The following CACNA1B variants were observed in gnomAD, a reference collection of about 807,000 sequenced individuals.
The protein encoded by CACNA1B is calcium voltage-gated channel subunit alpha1 B.
A neutral mutation model predicts 247.2 loss-of-function variants in CACNA1B; 70 were observed. The observed-to-expected ratio is 0.28, with a 90% confidence interval of 0.23 to 0.35. The LOEUF (loss-of-function observed/expected upper bound fraction) is 0.35. CACNA1B is among the 10% of genes least tolerant of loss of function. The pLI is 1.00. For synonymous variants in CACNA1B, 1,231 were observed against 1,294.4 expected (o/e 0.95, Z 1.05); for missense variants, 2,367 against 3,197.4 (o/e 0.74, Z 6.26).
intron 31 of CACNA1B, among the ~76,000 whole-genome samples, chr9:138,061,925 C>T (rs1434819993): frequency 6.6e-6 from 1 of 152,246 alleles, no homozygotes; most frequent in African/African-American, 2.4e-5. Flanking sequence ...CTGAGAGGCT[C>T]TTGGCCACGA....
intron 32 of CACNA1B, among the ~76,000 whole-genome samples, chr9:138,070,080 C>G (rs934195495): frequency 2.6e-5 from 4 of 152,232 alleles, no homozygotes; most frequent in African/African-American, 7.2e-5. Flanking sequence ...CCTGTTGGGA[C>G]TGGCTCAGAT....
intron 20 of CACNA1B, among the ~76,000 whole-genome samples, chr9:138,037,735 C>T (rs1014393943): frequency 1.3e-5 from 2 of 151,904 alleles, no homozygotes; most frequent in African/African-American, 2.4e-5. Context: ...TGGTGGTGTA[C>T]ACTTCCTGCC....
chr9:138,116,457 G>A (rs74868764), intron 42 of CACNA1B, among the ~76,000 whole-genome samples: 5 of 152,122 alleles, frequency 3.3e-5, no homozygotes, highest in Non-Finnish European at 5.9e-5. Context: ...CTCCCGAGCC[G>A]CTGGCAGCCC....
intron 15 of CACNA1B, among the ~76,000 whole-genome samples, chr9:137,989,143 G>A (rs1338830707): frequency 1.3e-5 from 2 of 152,178 alleles, no homozygotes; most frequent in African/African-American, 4.8e-5. Context: ...ACTTTAAACC[G>A]AATATGCCTA....
rs1385377151 is a variant in CACNA1B at position 137,888,186 on chromosome 9, G to A, written c.530+5303G>A. Among the ~76,000 whole-genome samples the A allele has an allele frequency of 5.3e-4, 80 of 152,100 alleles. No individual in the cohort carries two copies. Among genetic ancestry groups the A allele is most frequent in the Admixed American group, 9.8e-4 (15 of 15,276 alleles). ...GTACCAGGGAGTGGCGCTGGAGAAC[G>A]GGGCAGGTGGGCTCTGACACCCAGA... On this transcript the variant is annotated intron_variant, in intron 3 of 46. Transcript: ENST00000371372. This position sits in a 1 kb window ranked among gnomAD's most constrained non-coding sequence, Gnocchi z 4.7.
At chr9:137,959,554 T>C (rs1355653645) in intron 10 of CACNA1B, among the ~76,000 whole-genome samples, 1 of 151,638 alleles carries the variant, frequency 6.6e-6, no homozygotes, top group African/African-American at 2.4e-5. Flanking sequence ...ATAGATGAGA[T>C]AAAACTGTGA....
intron 3 of CACNA1B, among the ~76,000 whole-genome samples, chr9:137,902,896 G>A (rs917224228): frequency 5.9e-5 from 9 of 152,216 alleles, no homozygotes; most frequent in Admixed American, 3.3e-4. Context: ...CCCCACTGCC[G>A]AGTGTCCTCT....
chr9:138,097,576 A>G (rs1179974791), intron 37 of CACNA1B, among the ~76,000 whole-genome samples: 1 of 152,130 alleles, frequency 6.6e-6, no homozygotes, highest in East Asian at 1.9e-4. Flanking sequence ...GTGCCCGGGA[A>G]ATGATCGTGG....
intron 3 of CACNA1B, among the ~76,000 whole-genome samples, chr9:137,900,661 C>A (rs1438006420): frequency 8.5e-6 from 1 of 117,724 alleles, no homozygotes; most frequent in Non-Finnish European, 1.7e-5. Context: ...GCTGTGTGTC[C>A]CTGTGTTTGT....
intron 6 of CACNA1B, among the ~76,000 whole-genome samples, chr9:137,928,020 A>C (rs1367902525): frequency 1.3e-5 from 2 of 152,082 alleles, no homozygotes; most frequent in African/African-American, 2.4e-5. Context: ...TGTGTTGCTG[A>C]ATTGTATTTG....
intron 36 of CACNA1B, among the ~76,000 whole-genome samples, chr9:138,082,532 A>T (rs1464277365): frequency 1.3e-5 from 2 of 151,320 alleles, no homozygotes; most frequent in African/African-American, 4.9e-5. Context: ...CCAAAACTTG[A>T]TGATTGGCGT....
intron 6 of CACNA1B, among the ~76,000 whole-genome samples, chr9:137,938,735 C>G (rs990617035): frequency 5.9e-5 from 9 of 152,178 alleles, no homozygotes; most frequent in Non-Finnish European, 1.2e-4. Flanking sequence ...GCACCTAACA[C>G]TGGAGCTCCC....
Position 137,971,580 on chromosome 9 carries a change from A to G in CACNA1B, c.1531A>G (p.Thr511Ala), listed in dbSNP as rs1252170432. Residue 511 changes from threonine (T) to alanine (A), a missense_variant, in exon 11 of 47, where the codon ACC becomes GCC. This residue lies in a region of CACNA1B where 219 missense variants were observed against 297.6 expected (regional missense o/e 0.74). Transcript: ENST00000371372. This position sits in a 1 kb window ranked among gnomAD's most constrained non-coding sequence, Gnocchi z 4.4. Reference sequence around the variant, plus strand: ...GCATTACAACCAGCCGCGGCGGCTTACCACGACCCTGTGTACGTATCCCCG... The same window carrying G: ...GCATTACAACCAGCCGCGGCGGCTTGCCACGACCCTGTGTACGTATCCCCG... ...MVHYNQPRRLTTTLYFAEFVF... is the reference protein window; with the variant it reads ...MVHYNQPRRLATTLYFAEFVF... 1 of 1,613,014 alleles carries G rather than the reference A, an allele frequency of 6.2e-7. No individual in the cohort carries two copies. The highest frequency in any genetic ancestry group is 1.1e-5 in the South Asian group (1 of 90,934).
rs959953224 is a variant in CACNA1B, at chr9:138,010,613, C to G, written c.2160+536C>G. Among the ~76,000 whole-genome samples the G allele has an allele frequency of 2.6e-4, 39 of 152,152 alleles. No individual in the cohort carries two copies. The highest frequency in any genetic ancestry group is 5.0e-4 in the Non-Finnish European group (34 of 68,012). ...TCAGTCGCAGGCTTGTGTGTTGACT[C>G]AAGCCCTAGCTCCTAGTAGAGGTGG... is the stretch of plus-strand genomic sequence containing the variant. On this transcript the variant is annotated intron_variant, in intron 17 of 46. Coordinates refer to ENST00000371372, the MANE Select transcript of CACNA1B (RefSeq NM_000718.4). The surrounding 1 kb of genome is among the most constrained non-coding windows in gnomAD (Gnocchi z 5.3).
chr9:138,116,977 G>T (rs537177042), intron 42 of CACNA1B, among the ~76,000 whole-genome samples: 1 of 152,262 alleles, frequency 6.6e-6, no homozygotes, highest in Admixed American at 6.5e-5. Flanking sequence ...CCATCTCTGC[G>T]TCCACTGCTG....
chr9:137,912,488 G>A (rs559376575), intron 3 of CACNA1B, among the ~76,000 whole-genome samples: 1 of 152,326 alleles, frequency 6.6e-6, no homozygotes, highest in East Asian at 1.9e-4. Flanking sequence ...CTCAAGATAA[G>A]GAAGTGGTGA....
chr9:138,074,049 G>A lies in CACNA1B; in HGVS notation c.4840G>A (p.Ala1614Thr), dbSNP rs747965799. ...LLIAMLFFIY[A>T]IIGMQVFGNI... ...CATTGCCATGCTGTTCTTCATCTACGCCATCATCGGCATGCAGGTGGGTGC... is the reference window on the plus strand; with the variant it reads ...CATTGCCATGCTGTTCTTCATCTACACCATCATCGGCATGCAGGTGGGTGC... Residue 1614 changes from alanine (A) to threonine (T), a missense_variant, in exon 34 of 47, where the codon GCC becomes ACC. This residue lies in a region of CACNA1B where 436 missense variants were observed against 679.5 expected (regional missense o/e 0.64). Transcript: ENST00000371372. The A allele has an allele frequency of 3.7e-6, 6 of 1,612,406 alleles. No homozygotes were observed. In the African/African-American group the frequency reaches 4.0e-5, roughly 11 times the overall value.
In CACNA1B at chr9:138,100,732, T is replaced by C. The variant is rs1961223324; in HGVS notation, c.5223-1979T>C. Among the ~76,000 whole-genome samples the C allele has an allele frequency of 6.6e-6, 1 of 152,036 alleles. No individual in the cohort carries two copies. The highest frequency in any genetic ancestry group is 1.5e-5 in the Non-Finnish European group (1 of 68,004). On this transcript the variant is annotated intron_variant, in intron 37 of 46. Coordinates refer to ENST00000371372, the MANE Select transcript of CACNA1B (RefSeq NM_000718.4). The surrounding 1 kb of genome is among the most constrained non-coding windows in gnomAD (Gnocchi z 4.6). The stretch of plus-strand genomic sequence containing the variant: ...GTATGGGCCTCTGAGGTTGCTGTGA[T>C]AGAGAAGCAGACCTGCCTTGCTGTG...
In CACNA1B at chr9:138,023,543, C is replaced by G. The variant is rs1257347517; in HGVS notation, c.2800C>G (p.Arg934Gly). 1 of 1,082,364 alleles carries G rather than the reference C, an allele frequency of 9.2e-7. No homozygotes were observed. The highest frequency in any genetic ancestry group is 1.1e-6 in the Non-Finnish European group (1 of 889,670). 67.0% of individuals were successfully genotyped at this position (1,082,364 alleles called of 1,614,324 possible). The change falls in exon 19 of 47, where the codon CGC (arginine) becomes GGC (glycine). Residue 934 changes from arginine (R) to glycine (G), a missense_variant. By Grantham distance (125) the Arg-to-Gly change is moderately radical. Coordinates refer to ENST00000371372, the MANE Select transcript of CACNA1B (RefSeq NM_000718.4). ...PEEAAEREPR[R>G]HRAHRHQDPS... ...GGAGGCGGCCGAGCGGGAGCCCCGA[C>G]GCCACCGCGCGCACCGGCACCAGGA... is the stretch of plus-strand genomic sequence containing the variant.
Sources: gnomAD v4.1 joint callset for allele counts (sites outside exome capture counted in the v4.1 genomes callset) on GRCh38, gnomAD v4.1.1 for gene constraint, gnomAD v4.1.1 regional missense constraint, Gnocchi (gnomAD v3.1) non-coding constraint, MANE v1.5 for transcripts, NCBI Gene and HGNC (gene_info 2026-07-23, HGNC 2026-07-21) for gene names.